Variants in ADGRG4 observed in about 807,000 individuals in gnomAD.
ADGRG4 encodes G protein-coupled receptor 112.
ADGRG4 carries 122 observed loss-of-function variants against 126.2 expected under a neutral mutation model. That is an observed-to-expected ratio of 0.97 (90% CI 0.83 to 1.12). ADGRG4 has a LOEUF of 1.12. Ranked by LOEUF, ADGRG4 falls within the 50% of genes most tolerant of loss-of-function variation. The probability of loss-of-function intolerance (pLI) is 0.00; values close to 1 mark genes in which losing one functional copy is unlikely to be tolerated. For synonymous variants in ADGRG4, 943 were observed against 838.7 expected (o/e 1.12, Z -2.15); for missense variants, 2,481 against 2,251.8 (o/e 1.10, Z -2.06).
rs1387252439 is a variant in ADGRG4 at position 136,361,115 on chromosome X, C to G, written c.7145-340C>G. Among the ~76,000 whole-genome samples the G allele has an allele frequency of 3.6e-5, 4 of 110,347 alleles. No homozygotes were observed. In the East Asian group the frequency reaches 1.1e-3, roughly 31 times the overall value. On this transcript the variant is annotated intron_variant, in intron 11 of 25. Transcript: ENST00000394143. ...CTTGAGGCCAGGAGTTTGAGACCAG[C>G]CTCTATAACATAGCAAGACGCTGTC...
chrX:136,344,545 A>G lies in ADGRG4; in HGVS notation c.839A>G (p.Asp280Gly). The part of the protein sequence containing the change: ...LSQSIPIFAT[D>G]YTTISYSNTT... The stretch of plus-strand genomic sequence containing the variant: ...CAAAGCATACCTATATTTGCAACTG[A>G]TTACACAACCATATCATATTCCAAT... The change falls in exon 6 of 26, where the codon GAT (aspartate) becomes GGT (glycine). Residue 280 changes from aspartate (D) to glycine (G), a missense_variant. Coordinates refer to ENST00000394143, the MANE Select transcript of ADGRG4 (RefSeq NM_153834.4). The G allele has an allele frequency of 8.3e-7, 1 of 1,205,731 alleles. No individual in the cohort carries two copies. The highest frequency in any genetic ancestry group is 1.7e-5 in the African/African-American group (1 of 57,670).
At chrX:136,409,048 G>GACACAC (rs71995144) in intron 23 of ADGRG4, among the ~76,000 whole-genome samples, 1,195 of 90,865 alleles carry the variant, frequency 0.013, 27 homozygotes, top group African/African-American at 0.045. Flanking sequence ...TCAAATTCAA[G>GACACAC]ACACACACAC....
Position 136,373,072 on chromosome X carries a change from C to G in ADGRG4, c.7776+8C>G, listed in dbSNP as rs376146023. On this transcript the variant is annotated splice_region_variant and intron_variant, in intron 15 of 25. Transcript: ENST00000394143. ...GAAGGCACAGACCCTGAGGTGAGTG[C>G]AGCTCAGGGAACTGAGAGCCAATCA... 4.2e-6 allele frequency: 5 copies of G among 1,185,808 alleles called. No individual in the cohort carries two copies. In the African/African-American group the frequency reaches 7.1e-5, roughly 17 times the overall value.
At chrX:136,351,163 G>A (rs1379972479) in intron 6 of ADGRG4, among the ~76,000 whole-genome samples, 2 of 111,591 alleles carry the variant, frequency 1.8e-5, no homozygotes, top group African/African-American at 6.5e-5. Flanking sequence ...AAGTCTGTTG[G>A]CCAATGAGAG....
intron 5 of ADGRG4, among the ~76,000 whole-genome samples, chrX:136,324,576 C>T (rs944732511): frequency 9.0e-6 from 1 of 111,275 alleles, no homozygotes; most frequent in South Asian, 3.8e-4. Flanking sequence ...CACACCCAAC[C>T]TTATTTATGT....
Position 136,322,821 on chromosome X carries a change from A to T in ADGRG4, c.114A>T (p.Arg38Ser). 1 of 1,194,601 alleles carries T rather than the reference A, an allele frequency of 8.4e-7. No homozygotes were observed. The highest frequency in any genetic ancestry group is 1.1e-6 in the Non-Finnish European group (1 of 886,561). Residue 38 changes from arginine (R) to serine (S), a missense_variant, in exon 5 of 26, where the codon AGA (arginine) becomes AGT (serine). Arg to Ser is a moderately radical substitution (Grantham distance 110). Transcript: ENST00000394143. Reference sequence around the variant, plus strand: ...GAAAAAAGCTGGATTTTTTTGGAAGAGGTGACACATATGTAAGCCTGATAG... The same window carrying T: ...GAAAAAAGCTGGATTTTTTTGGAAGTGGTGACACATATGTAAGCCTGATAG... ...LKGKKLDFFGRGDTYVSLIDT... is the reference protein window; with the variant it reads ...LKGKKLDFFGSGDTYVSLIDT...
Position 136,344,507 on chromosome X carries a change from T to C in ADGRG4, c.801T>C (p.Ser267=). Residue 267 remains serine, a synonymous_variant, in exon 6 of 26, where the codon TCT becomes TCC. Coordinates refer to ENST00000394143, the MANE Select transcript of ADGRG4 (RefSeq NM_153834.4). The stretch of plus-strand genomic sequence containing the variant: ...AACCACAAAATACTGCACATTCCTC[T>C]ACACTATTGTCTCAAAGCATACCTA... ...GVKPQNTAHS[S]TLLSQSIPIF... The C allele has an allele frequency of 8.3e-7, 1 of 1,207,434 alleles. No homozygotes were observed. The highest frequency in any genetic ancestry group is 2.3e-4 in the Middle Eastern group (1 of 4,339).
chrX:136,394,467 C>T (rs772662768), intron 18 of ADGRG4, among the ~76,000 whole-genome samples: 105 of 111,970 alleles, frequency 9.4e-4, no homozygotes, highest in African/African-American at 3.2e-3. Flanking sequence ...TGGAAATTCT[C>T]TTCCCATTCG....
In ADGRG4 at chrX:136,346,710, G is replaced by T. The variant is rs201360622; in HGVS notation, c.3004G>T (p.Ala1002Ser). 1 of 1,210,203 alleles carries T rather than the reference G, an allele frequency of 8.3e-7. No homozygotes were observed. The highest frequency in any genetic ancestry group is 1.7e-5 in the African/African-American group (1 of 57,758). ...TATCTTACCTCCACAGCCTACAGCT[G>T]CTCATTCCTCAGCAACCCCTGTGCC... is the stretch of plus-strand genomic sequence containing the variant. ...DGILPPQPTAAHSSATPVPVT... is the reference protein window; with the variant it reads ...DGILPPQPTASHSSATPVPVT... Residue 1002 changes from alanine (A) to serine (S), a missense_variant, in exon 6 of 26, where the codon GCT becomes TCT. Transcript: ENST00000394143.
Position 136,351,460 on chromosome X carries a change from T to C in ADGRG4, c.6741T>C (p.Asn2247=), listed in dbSNP as rs780632006. ...TTTTAATTACAGTTTCCTTCTACAA[T>C]GTTGAAATGAGCTTCTCTGTCTTTG... is the stretch of plus-strand genomic sequence containing the variant. ...TATKSTVSFY[N]VEMSFSVFVE... The change falls in exon 7 of 26, where the codon AAT becomes AAC. Residue 2247 remains asparagine (N), a synonymous_variant. Coordinates refer to ENST00000394143, the MANE Select transcript of ADGRG4 (RefSeq NM_153834.4). 7.1e-6 allele frequency: 8 copies of C among 1,128,389 alleles called. No individual in the cohort carries two copies. Among genetic ancestry groups the C allele is most frequent in the Non-Finnish European group, 9.6e-6 (8 of 835,899 alleles). 93.0% of individuals were successfully genotyped at this position (1,128,389 alleles called of 1,213,427 possible).
At chrX:136,413,799 G>A (rs1234465349) in intron 24 of ADGRG4, among the ~76,000 whole-genome samples, 1 of 106,630 alleles carries the variant, frequency 9.4e-6, no homozygotes, top group Non-Finnish European at 1.9e-5. Flanking sequence ...GGAGTGCAAT[G>A]GTGCCATCTC....
chrX:136,363,410 C>T, intron 12 of ADGRG4, 67 bp from the exon 13 acceptor site: 2 of 738,352 alleles, frequency 2.7e-6, no homozygotes, highest in South Asian at 2.1e-5. Flanking sequence ...AGGCTATATC[C>T]ACCATTTGCT....
At chrX:136,374,944 T>A (rs1213104538) in intron 15 of ADGRG4, among the ~76,000 whole-genome samples, 15 of 110,954 alleles carry the variant, frequency 1.4e-4, no homozygotes, top group Non-Finnish European at 2.6e-4. Flanking sequence ...GGATAATTTG[T>A]TTAGTAGTGA....
rs1028674500 is a variant in ADGRG4, at chrX:136,400,239, C to T, written c.8575+123C>T. ...AAGGATCGCCTTGCTGGTGTTTGGG[C>T]ATGCATCTTTTTTTTCTGCCTGTAT... On this transcript the variant is annotated intron_variant, in intron 21 of 25. Coordinates refer to ENST00000394143, the MANE Select transcript of ADGRG4 (RefSeq NM_153834.4). 7.0e-6 allele frequency: 4 copies of T among 574,444 alleles called. No homozygotes were observed. In the African/African-American group the frequency reaches 9.2e-5, roughly 13 times the overall value. The allele number at this position is 574,444 out of a possible 1,213,427, so 47.3% of individuals were successfully genotyped here. A position where few individuals can be genotyped will look rare whatever the true frequency, so the allele number is the denominator to read the frequency against.
At chrX:136,409,048 G>C (rs904359677) in intron 23 of ADGRG4, among the ~76,000 whole-genome samples, 1 of 90,865 alleles carries the variant, frequency 1.1e-5, no homozygotes, top group African/African-American at 4.1e-5. Context: ...TCAAATTCAA[G>C]ACACACACAC....
intron 15 of ADGRG4, among the ~76,000 whole-genome samples, chrX:136,386,326 A>G (rs2075292399): frequency 8.9e-6 from 1 of 111,917 alleles, no homozygotes; most frequent in Non-Finnish European, 1.9e-5. Flanking sequence ...GGAGAGACAA[A>G]CCAAACAACA....
At chrX:136,323,609 C>CACAA (rs1556650441) in intron 5 of ADGRG4, among the ~76,000 whole-genome samples, 2 of 109,930 alleles carry the variant, frequency 1.8e-5, no homozygotes, top group Non-Finnish European at 3.8e-5. Context: ...CACACACACA[C>CACAA]ACACACCACT....
At chrX:136,402,675 G>A (rs1169791982) in intron 21 of ADGRG4, among the ~76,000 whole-genome samples, 1 of 111,221 alleles carries the variant, frequency 9.0e-6, no homozygotes, top group South Asian at 3.8e-4. Context: ...CTCTCCTCAC[G>A]TTTGACCATT....
At chrX:136,415,486 T>C (rs2075470865) in intron 25 of ADGRG4, among the ~76,000 whole-genome samples, 1 of 111,589 alleles carries the variant, frequency 9.0e-6, no homozygotes, top group South Asian at 3.8e-4. Flanking sequence ...GGCAACGCTA[T>C]TTTCCAGTTT....
Sources: allele counts gnomAD v4.1 joint callset (sites outside exome capture counted in the v4.1 genomes callset), GRCh38; gene constraint gnomAD v4.1.1; transcripts MANE v1.5; gene names NCBI Gene and HGNC (gene_info 2026-07-23, HGNC 2026-07-21).